Variants in GATAD2B observed in about 807,000 individuals in gnomAD.
GATAD2B encodes the protein GATA zinc finger domain containing 2B.
GATAD2B carries 8 observed loss-of-function variants against 64.3 expected under a neutral mutation model. That is an observed-to-expected ratio of 0.12 (90% CI 0.07 to 0.22). The LOEUF is 0.22. GATAD2B is among the 10% of genes least tolerant of loss of function. GATAD2B has a pLI of 1.00. For synonymous variants in GATAD2B, 281 were observed against 271.3 expected (o/e 1.04, Z -0.35); for missense variants, 453 against 752.0 (o/e 0.60, Z 4.65).
At chr1:153,853,845 G>C (rs1201296355) in intron 1 of GATAD2B, among the ~76,000 whole-genome samples, 1 of 152,046 alleles carries the variant, frequency 6.6e-6, no homozygotes, top group Non-Finnish European at 1.5e-5. Flanking sequence ...ACATTTGTTG[G>C]AGGGACTATC....
At chr1:153,888,708 C>A (rs1416685201) in intron 1 of GATAD2B, among the ~76,000 whole-genome samples, 2 of 152,194 alleles carry the variant, frequency 1.3e-5, no homozygotes, top group Admixed American at 6.6e-5. Context: ...CACAGAGTTT[C>A]TAAGCACTTG....
rs1675941470 is a variant in GATAD2B, at chr1:153,852,616, TC to T, written c.-1-24269del. 3.8e-6 allele frequency: 3 copies of T among 794,296 alleles called. No individual in the cohort carries two copies. The African/African-American group carries it at 5.1e-5, about 13-fold the overall frequency. The allele number at this position is 794,296 out of a possible 1,614,324, so 49.2% of individuals were successfully genotyped here. On this transcript the variant is annotated intron_variant, in intron 1 of 10. Coordinates refer to ENST00000368655, the MANE Select transcript of GATAD2B (RefSeq NM_020699.4). Reference sequence around the variant, plus strand: ...TTCTGATTGGCACTATGCACACTCTTCCTGGCAAATTCAATCAAGTGAACAG... The same window carrying T: ...TTCTGATTGGCACTATGCACACTCTTCTGGCAAATTCAATCAAGTGAACAG...
chr1:153,822,874 G>A (rs781241311), intron 2 of GATAD2B, among the ~76,000 whole-genome samples: 9 of 152,058 alleles, frequency 5.9e-5, no homozygotes, highest in Non-Finnish European at 1.2e-4. Context: ...GTGCAGTGGT[G>A]CAATCATTTG....
chr1:153,896,603 ATTTTGTATTTTTAGTAG>A (rs1677602137), intron 1 of GATAD2B, among the ~76,000 whole-genome samples: 2 of 151,672 alleles, frequency 1.3e-5, no homozygotes, highest in African/African-American at 4.8e-5. Flanking sequence ...CACCCAGCTA[ATTTTGTATTTTTAGTAG>A]ACATGGGGTT....
Position 153,819,699 on chromosome 1 carries a change from G to T in GATAD2B, c.372C>A (p.Asp124Glu). The T allele has an allele frequency of 6.2e-7, 1 of 1,611,448 alleles. No homozygotes were observed. Among genetic ancestry groups the T allele is most frequent in the Non-Finnish European group, 8.5e-7 (1 of 1,178,446 alleles). Reference protein sequence around the residue: ...PERGRLTPSPDIIVLSDNEAS... With the variant: ...PERGRLTPSPEIIVLSDNEAS... ...CCTCATTGTCAGACAAAACAATGAT[G>T]TCTGGTGAGGGAGTTAGCCTTCCTC... The change falls in exon 3 of 11, where the codon GAC becomes GAA. Residue 124 changes from aspartate to glutamate, a missense_variant. Coordinates refer to ENST00000368655, the MANE Select transcript of GATAD2B (RefSeq NM_020699.4).
intron 1 of GATAD2B, among the ~76,000 whole-genome samples, chr1:153,832,628 C>T (rs1164303246): frequency 1.3e-5 from 2 of 152,204 alleles, no homozygotes; most frequent in African/African-American, 4.8e-5. Context: ...ATTAACAGTA[C>T]ATTTTTTTCC....
At chr1:153,908,554 C>G (rs1413056077) in intron 1 of GATAD2B, among the ~76,000 whole-genome samples, 2 of 151,492 alleles carry the variant, frequency 1.3e-5, no homozygotes, top group Admixed American at 1.3e-4. Context: ...TTGCAACCTC[C>G]GCCTCCCGGG....
chr1:153,869,031 G>A (rs185851957), intron 1 of GATAD2B, among the ~76,000 whole-genome samples: 5 of 152,156 alleles, frequency 3.3e-5, no homozygotes, highest in African/African-American at 1.2e-4. Context: ...AGTGGCTCAC[G>A]CCTGTAATCC....
intron 1 of GATAD2B, among the ~76,000 whole-genome samples, chr1:153,871,480 G>C (rs751605449): frequency 2.6e-5 from 4 of 152,118 alleles, no homozygotes; most frequent in Non-Finnish European, 5.9e-5. Context: ...GGGATTACAG[G>C]TGTAAGCCAC....
intron 1 of GATAD2B, among the ~76,000 whole-genome samples, chr1:153,868,016 T>C (rs954991529): frequency 3.3e-5 from 5 of 151,942 alleles, no homozygotes; most frequent in Non-Finnish European, 1.5e-5. Flanking sequence ...CTGGCCAATA[T>C]GGTGAAACCC....
intron 1 of GATAD2B, among the ~76,000 whole-genome samples, chr1:153,915,179 G>A (rs988280269): frequency 6.6e-6 from 1 of 152,002 alleles, no homozygotes; most frequent in Non-Finnish European, 1.5e-5. Context: ...GTAATCCTAG[G>A]ACTTTGGGAG....
chr1:153,904,926 C>T (rs1677881863), intron 1 of GATAD2B, among the ~76,000 whole-genome samples: 1 of 152,106 alleles, frequency 6.6e-6, no homozygotes, highest in African/African-American at 2.4e-5. Flanking sequence ...AGGCTGGTCT[C>T]GAACTCCTGA....
chr1:153,858,681 T>C (rs4508047), intron 1 of GATAD2B, among the ~76,000 whole-genome samples: 41,086 of 152,024 alleles, frequency 0.27, 6,109 homozygotes, highest in Admixed American at 0.38. Context: ...AAGTGAGCCA[T>C]GACTGTATCA....
chr1:153,815,881 C>T (rs539615402), intron 7 of GATAD2B, among the ~76,000 whole-genome samples: 23 of 152,022 alleles, frequency 1.5e-4, no homozygotes, highest in Admixed American at 8.5e-4. Context: ...GATGAAACCC[C>T]GTCTCTACTA....
chr1:153,909,616 T>G (rs1678054656), intron 1 of GATAD2B, among the ~76,000 whole-genome samples: 1 of 151,372 alleles, frequency 6.6e-6, no homozygotes. Flanking sequence ...CTGGCCAACA[T>G]GGTGAAACCT....
At chr1:153,829,026 G>A (rs912579695) in intron 1 of GATAD2B, among the ~76,000 whole-genome samples, 2 of 151,710 alleles carry the variant, frequency 1.3e-5, no homozygotes, top group Admixed American at 6.6e-5. Context: ...GCAAAATGGT[G>A]AGACCCCATC....
chr1:153,898,769 TGAGATGAG>T (rs1282631568), intron 1 of GATAD2B: 1 of 152,122 alleles, frequency 6.6e-6, no homozygotes, highest in Non-Finnish European at 1.5e-5. Context: ...AGCAGAAAAA[TGAGATGAG>T]GAGAAAGACA....
At position 153,806,622 on chromosome 1, in the gene GATAD2B, T is replaced by A. The variant is rs545970667; in HGVS notation, c.*3555A>T. The A allele has an allele frequency of 6.6e-6, 1 of 152,224 alleles. No homozygotes were observed. The highest frequency in any genetic ancestry group is 2.4e-5 in the African/African-American group (1 of 41,430). 9.4% of individuals were successfully genotyped at this position (152,224 alleles called of 1,614,324 possible). ...TTTTTCTCTTTTTCAGGTTTTTTTTTTTTTCTACACAATGTACAATTCCTT... is the reference window on the plus strand; with the variant it reads ...TTTTTCTCTTTTTCAGGTTTTTTTTATTTTCTACACAATGTACAATTCCTT... On this transcript the variant is annotated 3_prime_UTR_variant, in exon 11 of 11. Transcript: ENST00000368655.
chr1:153,812,090 T>C lies in GATAD2B; in HGVS notation c.1462A>G (p.Thr488Ala), dbSNP rs1306502297. Reference sequence around the variant, plus strand: ...ACACTGGACACAGCTGGAGCCGTAGTGGGGGAGAGGGCTGCCTGCTGCTGT... The same window carrying C: ...ACACTGGACACAGCTGGAGCCGTAGCGGGGGAGAGGGCTGCCTGCTGCTGT... Reference protein sequence around the residue: ...RLQQQAALSPTTAPAVSSVSK... With the variant: ...RLQQQAALSPATAPAVSSVSK... The change falls in exon 9 of 11, where the codon ACT becomes GCT. Residue 488 changes from threonine to alanine, a missense_variant. This residue lies in a region of GATAD2B where 160 missense variants were observed against 334.7 expected (regional missense o/e 0.48). Coordinates refer to ENST00000368655, the MANE Select transcript of GATAD2B (RefSeq NM_020699.4). 1 of 1,612,972 alleles carries C rather than the reference T, an allele frequency of 6.2e-7. No individual in the cohort carries two copies. The highest frequency in any genetic ancestry group is 1.3e-5 in the African/African-American group (1 of 74,846).
Sources: allele counts gnomAD v4.1 joint callset (sites outside exome capture counted in the v4.1 genomes callset), GRCh38; gene constraint gnomAD v4.1.1; regional missense constraint gnomAD v4.1.1; transcripts MANE v1.5; gene names NCBI Gene and HGNC (gene_info 2026-07-23, HGNC 2026-07-21).